Variants in BRI3 observed in about 807,000 individuals in gnomAD.
The protein encoded by BRI3 is membrane protein BRI3.
Under a neutral mutation model 12.8 loss-of-function variants are expected in BRI3, and 6 were observed. The ratio of observed to expected loss-of-function variants is 0.47; its 90% CI spans 0.26 to 0.93. The LOEUF is 0.93. Among genes scored for constraint, BRI3 ranks in the 40% least tolerant of loss-of-function variants. The probability of loss-of-function intolerance (pLI) is 0.15; values close to 1 mark genes in which losing one functional copy is unlikely to be tolerated. For synonymous variants in BRI3, 91 were observed against 76.1 expected, an observed-to-expected ratio of 1.20 and a Z score of -1.02; for missense variants, 134 against 171.1, an observed-to-expected ratio of 0.78 and a Z score of 1.21.
intron 2 of BRI3, among the ~76,000 whole-genome samples, chr7:98,284,852 C>T (rs10277669): frequency 0.12 from 18,169 of 151,994 alleles, 1,362 homozygotes; most frequent in South Asian, 0.23. Context: ...TTCACCCCTG[C>T]CCTGCCCTGC....
the BRI3 span, among the ~76,000 whole-genome samples, chr7:98,318,836 T>TG: frequency 6.7e-6 from 1 of 148,454 alleles, no homozygotes; most frequent in African/African-American, 2.5e-5. Context: ...CCCAGCTAAT[T>TG]GGGAGGCTGA....
chr7:98,288,758 G>A (rs1562958131), intron 2 of BRI3, among the ~76,000 whole-genome samples: 3 of 151,398 alleles, frequency 2.0e-5, no homozygotes, highest in Admixed American at 6.6e-5. Flanking sequence ...GCATACCACT[G>A]TGTCTGGCTA....
At chr7:98,309,106 C>CTT (rs1242485020) in exon 2 of BRI3, 1 of 152,094 alleles carries the variant, frequency 6.6e-6, no homozygotes, top group Non-Finnish European at 1.5e-5. Flanking sequence ...AACCTGCGCC[C>CTT]CCTTAACCTG....
chr7:98,311,915 C>T (rs151185185), downstream of BRI3, among the ~76,000 whole-genome samples: 11 of 152,104 alleles, frequency 7.2e-5, no homozygotes, highest in South Asian at 6.2e-4. Flanking sequence ...ACCTTAACAA[C>T]AACAAAAAAC....
rs531027101 is a variant in BRI3, at chr7:98,307,411, T to A, written n.145-104T>A. ...ATGAGCCACTGCACTGGCCAAATGC[T>A]AAATTTTTTTTAAAAACAAAAGAAT... On this transcript the variant is annotated intron_variant and non_coding_transcript_variant, in intron 1 of 1. Coordinates refer to the BRI3 transcript ENST00000485422. The A allele has an allele frequency of 2.3e-4, 293 of 1,272,886 alleles. No individual in the cohort carries two copies. The African/African-American group carries it at 4.0e-3, about 17-fold the overall frequency. The allele number at this position is 1,272,886 out of a possible 1,614,324, so 78.8% of individuals were successfully genotyped here.
At chr7:98,297,827 C>T (rs768204561), downstream of BRI3, among the ~76,000 whole-genome samples, 6 of 152,154 alleles carry the variant, frequency 3.9e-5, no homozygotes, top group Admixed American at 2.6e-4. Flanking sequence ...CGTGAGGGCG[C>T]GCTGTGAAAT....
At chr7:98,291,867 G>A (rs1330500274), downstream of BRI3, 1 of 153,100 alleles carries the variant, frequency 6.5e-6, no homozygotes, top group Non-Finnish European at 1.5e-5. Context: ...GAACGCCAAA[G>A]GCCAGGTGTC....
downstream of BRI3, chr7:98,293,714 T>C (rs763655431): frequency 3.2e-6 from 3 of 950,286 alleles, no homozygotes; most frequent in Non-Finnish European, 5.1e-6. Context: ...CCTCCCCAGC[T>C]TGTACAGGTC....
chr7:98,293,615 ATCTT>A (rs567845620), downstream of BRI3: 278 of 1,606,758 alleles, frequency 1.7e-4, no homozygotes, highest in African/African-American at 3.2e-3. Context: ...GATAAGAAAA[ATCTT>A]TCAGAACTTC....
chr7:98,315,563 G>C, the BRI3 span: 1 of 1,493,334 alleles, frequency 6.7e-7, no homozygotes, highest in South Asian at 1.4e-5. Flanking sequence ...GCAACCATCT[G>C]CAATGAATTT....
At chr7:98,314,934 T>C (rs557922080), downstream of BRI3, among the ~76,000 whole-genome samples, 260 of 152,322 alleles carry the variant, frequency 1.7e-3, 3 homozygotes, top group Middle Eastern at 3.4e-3. Context: ...GGACTTTAAA[T>C]ATGGATGTAT....
chr7:98,286,197 G>A (rs1799705895), intron 2 of BRI3, among the ~76,000 whole-genome samples: 1 of 152,216 alleles, frequency 6.6e-6, no homozygotes, highest in Non-Finnish European at 1.5e-5. Flanking sequence ...CCTGTAAAGT[G>A]CCTGTGGGGA....
chr7:98,312,156 C>T (rs375051431), downstream of BRI3: 5 of 1,613,952 alleles, frequency 3.1e-6, no homozygotes, highest in Middle Eastern at 8.3e-4. Context: ...GGGGTAGAGG[C>T]TGGGGTCTTT....
At chr7:98,301,893 G>A (rs1355410948), upstream of BRI3, among the ~76,000 whole-genome samples, 1 of 152,168 alleles carries the variant, frequency 6.6e-6, no homozygotes, top group Non-Finnish European at 1.5e-5. Flanking sequence ...TGCGCTGGTG[G>A]AGGCTGCAGG....
At chr7:98,313,101 C>T (rs1033843383), downstream of BRI3, among the ~76,000 whole-genome samples, 1 of 151,232 alleles carries the variant, frequency 6.6e-6, no homozygotes, top group Non-Finnish European at 1.5e-5. Flanking sequence ...AAGACCCCCT[C>T]ACACCACCCC....
chr7:98,290,297 G>C (rs1196785282), intron 2 of BRI3, among the ~76,000 whole-genome samples: 1 of 145,630 alleles, frequency 6.9e-6, no homozygotes, highest in Non-Finnish European at 1.5e-5. Flanking sequence ...CTGGGTTCAC[G>C]CCATTCTCCT....
rs183180327 is a variant in BRI3, at chr7:98,282,405, G to A, written c.197G>A (p.Arg66His). The A allele has an allele frequency of 1.0e-4, 163 of 1,614,016 alleles. No individual in the cohort carries two copies. In the East Asian group the frequency reaches 3.4e-3, roughly 34 times the overall value. Residue 66 changes from arginine (R) to histidine (H), a missense_variant, in exon 2 of 3, where the codon CGC becomes CAC. Transcript: ENST00000297290. ...AACATCCACAGCCGGACCGTCACCC[G>A]CTATCCTGCCAACTCTATCGTGGTC... The part of the protein sequence containing the change: ...VYNIHSRTVT[R>H]YPANSIVVVG...
chr7:98,312,560 G>C (rs940154134), downstream of BRI3, among the ~76,000 whole-genome samples: 6 of 152,162 alleles, frequency 3.9e-5, no homozygotes, highest in African/African-American at 1.4e-4. Context: ...AAACTCAAAG[G>C]GAGGGAGGGA....
At chr7:98,282,798 T>A (rs1389173496) in intron 2 of BRI3, 3 of 247,644 alleles carry the variant, frequency 1.2e-5, no homozygotes, top group East Asian at 2.0e-4. Context: ...AGGTGTCTGC[T>A]TTTTCCTTCA....
Sources: allele counts gnomAD v4.1 joint callset (sites outside exome capture counted in the v4.1 genomes callset), GRCh38; gene constraint gnomAD v4.1.1; transcripts MANE v1.5; gene names NCBI Gene and HGNC (gene_info 2026-07-23, HGNC 2026-07-21).